AOPEP: variants seen among roughly 807,000 people sequenced by gnomAD.
AOPEP encodes the protein aminopeptidase O.
In AOPEP, 77 loss-of-function variants were observed where a neutral mutation model predicts 98.1. The ratio of observed to expected loss-of-function variants is 0.78; its 90% CI spans 0.65 to 0.95. The LOEUF (loss-of-function observed/expected upper bound fraction) is 0.95. Ranked by LOEUF, AOPEP falls within the 40% of genes least tolerant of loss-of-function variation. The probability of loss-of-function intolerance (pLI) is 0.00; values close to 1 mark genes in which losing one functional copy is unlikely to be tolerated. For missense variants in AOPEP, 1,024 were observed against 1,024.7 expected (o/e 1.00, Z 0.01); for synonymous variants, 346 against 365.3 (o/e 0.95, Z 0.60).
rs192377083 is a variant in AOPEP, at chr9:94,818,426, A to G, written c.1364+17424A>G. Among the ~76,000 whole-genome samples, 249 of 152,358 alleles carry G rather than the reference A, an allele frequency of 1.6e-3. 3 individuals carry two copies. Among genetic ancestry groups the G allele is most frequent in the African/African-American group, 5.7e-3 (236 of 41,580 alleles). ...ATAAAAATAGGTATGGTGACTTAGC[A>G]TGGTAGTATGACAATATGAAAGGTT... On this transcript the variant is annotated intron_variant, in intron 5 of 16. Transcript: ENST00000375315.
At chr9:94,850,617 C>G (rs2135162727) in intron 5 of AOPEP, among the ~76,000 whole-genome samples, 1 of 152,306 alleles carries the variant, frequency 6.6e-6, no homozygotes, top group Middle Eastern at 3.4e-3. Flanking sequence ...CAGAGTGGTG[C>G]CCTTAATTAC....
intron 5 of AOPEP, among the ~76,000 whole-genome samples, chr9:94,899,179 C>CTTTTTTTTTTTTTT (rs1164742981): frequency 2.0e-4 from 12 of 59,746 alleles, no homozygotes; most frequent in African/African-American, 7.5e-4. Context: ...TCTTCATTTG[C>CTTTTTTTTTTTTTT]TTTTTTTTTT....
intron 5 of AOPEP, among the ~76,000 whole-genome samples, chr9:94,836,057 A>G (rs1023180080): frequency 2.0e-5 from 3 of 149,868 alleles, no homozygotes; most frequent in African/African-American, 7.4e-5. Context: ...AGATTGCCTG[A>G]ATTTGGTTGA....
At chr9:94,839,148 C>T (rs933240231) in intron 5 of AOPEP, among the ~76,000 whole-genome samples, 21 of 149,700 alleles carry the variant, frequency 1.4e-4, no homozygotes, top group South Asian at 1.1e-3. Context: ...TGCAGTGGCG[C>T]GATTTCGGCT....
chr9:94,916,193 T>C (rs981915244), intron 5 of AOPEP, among the ~76,000 whole-genome samples: 1 of 152,212 alleles, frequency 6.6e-6, no homozygotes, highest in Non-Finnish European at 1.5e-5. Context: ...TTTTATTAGC[T>C]CTTTTTATGG....
At chr9:94,861,434 G>A (rs1473510317) in intron 5 of AOPEP, among the ~76,000 whole-genome samples, 2 of 152,198 alleles carry the variant, frequency 1.3e-5, no homozygotes, top group Non-Finnish European at 2.9e-5. Flanking sequence ...TACTGACACA[G>A]AGTCATCATT....
the AOPEP span, among the ~76,000 whole-genome samples, chr9:95,136,136 A>G: frequency 1.9e-4 from 29 of 152,302 alleles, no homozygotes; most frequent in African/African-American, 6.3e-4. Context: ...CACACCTATA[A>G]TCCCAACACT....
intron 7 of AOPEP, chr9:94,932,793 C>T (rs1486110899): frequency 1.0e-6 from 1 of 985,260 alleles, no homozygotes; most frequent in African/African-American, 1.7e-5. Flanking sequence ...CCAGATGTTT[C>T]TTAGATTGAC....
intron 5 of AOPEP, among the ~76,000 whole-genome samples, chr9:94,871,127 C>G (rs2046305978): frequency 6.6e-6 from 1 of 152,228 alleles, no homozygotes; most frequent in South Asian, 2.1e-4. Flanking sequence ...ATGCCCCACC[C>G]TGACACCATA....
At chr9:95,127,167 G>A in the AOPEP span, 1 of 153,702 alleles carries the variant, frequency 6.5e-6, no homozygotes, top group Non-Finnish European at 1.4e-5. Context: ...ATTTCTCCTT[G>A]AATATTTCGG....
At chr9:95,009,826 G>T (rs961199034) in intron 13 of AOPEP, among the ~76,000 whole-genome samples, 1 of 151,280 alleles carries the variant, frequency 6.6e-6, no homozygotes, top group Non-Finnish European at 1.5e-5. Flanking sequence ...TGTATTCAAA[G>T]TGAAACATAA....
At position 94,934,315 on chromosome 9, in the gene AOPEP, CT is replaced by C. The variant is rs974551445; in HGVS notation, c.1661+5803del. Among the ~76,000 whole-genome samples, 539 of 116,732 alleles carry C rather than the reference CT, an allele frequency of 4.6e-3. 8 individuals carry two copies. The highest frequency in any genetic ancestry group is 0.017 in the African/African-American group (440 of 25,206). 76.6% of individuals were successfully genotyped at this position (116,732 alleles called of 152,430 possible). On this transcript the variant is annotated intron_variant, in intron 7 of 16. Transcript: ENST00000375315. ...CTGACTATGCTCACACTTCTCCCAT[CT>C]TTTTTTTTTTTTTTTTTTGAGACAG...
chr9:95,059,989 AT>A (rs1169805787), intron 13 of AOPEP, among the ~76,000 whole-genome samples: 2 of 152,162 alleles, frequency 1.3e-5, no homozygotes, highest in East Asian at 3.8e-4. Context: ...TTTCACATAC[AT>A]TGTGTTTTAT....
chr9:94,741,434 G>A (rs1254885318), intron 1 of AOPEP, among the ~76,000 whole-genome samples: 2 of 151,814 alleles, frequency 1.3e-5, no homozygotes, highest in African/African-American at 4.8e-5. Flanking sequence ...CACCATGCCT[G>A]GCTAATTTTT....
the AOPEP span, chr9:95,113,830 G>C: frequency 6.6e-6 from 1 of 152,208 alleles, no homozygotes; most frequent in Non-Finnish European, 1.5e-5. Flanking sequence ...CACCGTGTTA[G>C]CCAGGATGGT....
chr9:94,871,278 A>G (rs2046320112), intron 5 of AOPEP, among the ~76,000 whole-genome samples: 1 of 152,200 alleles, frequency 6.6e-6, no homozygotes, highest in East Asian at 1.9e-4. Context: ...CACTTTATCT[A>G]CAGGCCTCTG....
At chr9:94,894,149 C>T (rs2049196187) in intron 5 of AOPEP, among the ~76,000 whole-genome samples, 1 of 152,032 alleles carries the variant, frequency 6.6e-6, no homozygotes, top group Admixed American at 6.5e-5. Context: ...AGTCTAACAT[C>T]ACTTCTGAGG....
chr9:94,939,081 C>T (rs1311603068), intron 7 of AOPEP, among the ~76,000 whole-genome samples: 1 of 152,056 alleles, frequency 6.6e-6, no homozygotes, highest in East Asian at 1.9e-4. Flanking sequence ...AACCACATCT[C>T]TACTAAAAAT....
At position 94,951,372 on chromosome 9, in the gene AOPEP, G is replaced by A. The variant is rs1202613601; in HGVS notation, c.1662-3805G>A. Among the ~76,000 whole-genome samples, 3 of 152,226 alleles carry A rather than the reference G, an allele frequency of 2.0e-5. No homozygotes were observed. In the East Asian group the frequency reaches 5.8e-4, roughly 29 times the overall value. ...CTGGATCTTGGGGGGGCCCCAGAGT[G>A]TAGCAAGGACTTTGGTGTTCTGTGG... is the stretch of plus-strand genomic sequence containing the variant. On this transcript the variant is annotated intron_variant, in intron 7 of 16. Coordinates refer to ENST00000375315, the MANE Select transcript of AOPEP (RefSeq NM_001193329.3).
Sources: allele counts gnomAD v4.1 joint callset (sites outside exome capture counted in the v4.1 genomes callset), GRCh38; gene constraint gnomAD v4.1.1; transcripts MANE v1.5; gene names NCBI Gene and HGNC (gene_info 2026-07-23, HGNC 2026-07-21).